The following PTK2 variants were observed in gnomAD, a reference collection of about 807,000 sequenced individuals.
PTK2 encodes focal adhesion kinase 1.
PTK2 carries 45 observed loss-of-function variants against 150.1 expected under a neutral mutation model. The observed-to-expected ratio is 0.30, with a 90% CI of 0.24 to 0.38. The LOEUF (loss-of-function observed/expected upper bound fraction) is 0.38, where lower values mean the gene tolerates loss of function less well. Ranked by LOEUF, PTK2 falls within the 10% of genes least tolerant of loss-of-function variation. The probability of loss-of-function intolerance (pLI) is 1.00; values close to 1 mark genes in which losing one functional copy is unlikely to be tolerated. For synonymous variants in PTK2, 432 were observed against 449.2 expected (o/e 0.96, Z 0.48); for missense variants, 919 against 1,307.3 (o/e 0.70, Z 4.58).
chr8:140,773,660 G>C (rs1231244905), intron 14 of PTK2, among the ~76,000 whole-genome samples: 2 of 152,100 alleles, frequency 1.3e-5, no homozygotes, highest in Admixed American at 6.6e-5. Context: ...GAAGGGGGAG[G>C]TGGCACTGAG....
At chr8:140,896,203 C>T (rs547203213) in intron 2 of PTK2, among the ~76,000 whole-genome samples, 4 of 152,234 alleles carry the variant, frequency 2.6e-5, no homozygotes, top group Non-Finnish European at 5.9e-5. Flanking sequence ...ATTCTCCCCA[C>T]AAAGGAACAT....
intron 14 of PTK2, among the ~76,000 whole-genome samples, chr8:140,787,488 A>G (rs1490322212): frequency 6.6e-6 from 1 of 152,234 alleles, no homozygotes; most frequent in Non-Finnish European, 1.5e-5. Flanking sequence ...ATAAGAAGAA[A>G]ACACTGAGAT....
chr8:140,766,104 C>T (rs1215016674), intron 14 of PTK2, among the ~76,000 whole-genome samples: 1 of 152,150 alleles, frequency 6.6e-6, no homozygotes, highest in Non-Finnish European at 1.5e-5. Flanking sequence ...AACTCTGCAC[C>T]TCTGCTTCCC....
intron 22 of PTK2, among the ~76,000 whole-genome samples, chr8:140,723,328 A>G (rs1172795404): frequency 6.6e-6 from 1 of 152,224 alleles, no homozygotes; most frequent in Non-Finnish European, 1.5e-5. Flanking sequence ...CTGGGAAGCA[A>G]GTTCCTTCAA....
intron 20 of PTK2, among the ~76,000 whole-genome samples, chr8:140,739,705 C>G (rs1032865374): frequency 6.6e-6 from 1 of 152,102 alleles, no homozygotes; most frequent in East Asian, 1.9e-4. Context: ...CAAGGCTGCC[C>G]CACTAACAGG....
intron 1 of PTK2, among the ~76,000 whole-genome samples, chr8:140,964,241 T>G (rs2100184416): frequency 6.6e-6 from 1 of 152,198 alleles, no homozygotes; most frequent in Non-Finnish European, 1.5e-5. Flanking sequence ...TGCCTGTTTT[T>G]TAAGAGACAG....
intron 22 of PTK2, among the ~76,000 whole-genome samples, chr8:140,727,946 A>C (rs2100046904): frequency 6.6e-6 from 1 of 152,220 alleles, no homozygotes; most frequent in Non-Finnish European, 1.5e-5. Flanking sequence ...CTGTAATCCC[A>C]GCACTTTGGG....
chr8:140,770,106 T>C (rs1479307175), intron 14 of PTK2, among the ~76,000 whole-genome samples: 3 of 152,214 alleles, frequency 2.0e-5, no homozygotes, highest in Non-Finnish European at 4.4e-5. Flanking sequence ...CCCACTACTA[T>C]AAACTGTGGG....
chr8:140,796,497 T>C (rs2100091682), intron 12 of PTK2, among the ~76,000 whole-genome samples: 1 of 152,214 alleles, frequency 6.6e-6, no homozygotes, highest in African/African-American at 2.4e-5. Flanking sequence ...GTGATTTCTG[T>C]TTGTATTCTG....
chr8:140,939,673 T>A (rs892658297), intron 1 of PTK2, among the ~76,000 whole-genome samples: 2 of 152,242 alleles, frequency 1.3e-5, no homozygotes, highest in Admixed American at 6.5e-5. Flanking sequence ...CCAGGATTTT[T>A]TTTATTTCAA....
intron 10 of PTK2, among the ~76,000 whole-genome samples, chr8:140,808,734 T>G (rs199548023): frequency 2.2e-5 from 2 of 91,196 alleles, no homozygotes; most frequent in Non-Finnish European, 2.0e-5. Context: ...TTTGTTCTTG[T>G]TTTTTTTTTT....
chr8:140,856,234 T>G (rs1438655626), intron 5 of PTK2, among the ~76,000 whole-genome samples: 1 of 152,118 alleles, frequency 6.6e-6, no homozygotes, highest in Non-Finnish European at 1.5e-5. Flanking sequence ...CATACATTAC[T>G]GGAGGAAATA....
chr8:140,905,105 T>A (rs1388057556), intron 2 of PTK2, among the ~76,000 whole-genome samples: 1 of 152,198 alleles, frequency 6.6e-6, no homozygotes, highest in African/African-American at 2.4e-5. Flanking sequence ...ATTTTAGATC[T>A]TTCCTGCTTT....
chr8:140,976,817 T>C (rs2100189409), intron 1 of PTK2, among the ~76,000 whole-genome samples: 1 of 152,242 alleles, frequency 6.6e-6, no homozygotes, highest in African/African-American at 2.4e-5. Flanking sequence ...TTTAAGTGGC[T>C]AGGTACCTAA....
chr8:140,999,264 G>A (rs2100199057), intron 1 of PTK2, among the ~76,000 whole-genome samples: 1 of 152,220 alleles, frequency 6.6e-6, no homozygotes, highest in Admixed American at 6.5e-5. Flanking sequence ...TGAAGTCTTA[G>A]GTGATTGTCG....
intron 31 of PTK2, among the ~76,000 whole-genome samples, chr8:140,661,435 A>G (rs10282830): frequency 0.45 from 68,382 of 151,940 alleles, 15,604 homozygotes; most frequent in Non-Finnish European, 0.49. Flanking sequence ...GGGAACAGAC[A>G]TGCAAGTGCA....
intron 3 of PTK2, among the ~76,000 whole-genome samples, chr8:140,885,144 T>G (rs145016187): frequency 1.3e-5 from 2 of 152,328 alleles, no homozygotes; most frequent in African/African-American, 4.8e-5. Flanking sequence ...TTGTAATGTC[T>G]TTTTAAAAAA....
chr8:140,858,190 C>T (rs993681300), intron 5 of PTK2, among the ~76,000 whole-genome samples: 2 of 151,894 alleles, frequency 1.3e-5, no homozygotes, highest in African/African-American at 2.4e-5. Context: ...ACTAGACTGA[C>T]CTGAATTATG....
intron 2 of PTK2, among the ~76,000 whole-genome samples, chr8:140,907,188 C>G (rs1263170584): frequency 6.6e-6 from 1 of 152,192 alleles, no homozygotes; most frequent in Non-Finnish European, 1.5e-5. Flanking sequence ...TGTGCTGGTT[C>G]AACCTACTAA....
Sources: gnomAD v4.1 joint callset for allele counts (sites outside exome capture counted in the v4.1 genomes callset) on GRCh38, gnomAD v4.1.1 for gene constraint, MANE v1.5 for transcripts, NCBI Gene and HGNC (gene_info 2026-07-23, HGNC 2026-07-21) for gene names.